Variants in TANGO6 observed in about 807,000 individuals in gnomAD.
TANGO6 encodes the protein transport and golgi organization 6 homolog.
Under a neutral mutation model 114.2 loss-of-function variants are expected in TANGO6, and 90 were observed. That is an observed-to-expected ratio of 0.79 (90% CI 0.66 to 0.94). The LOEUF is 0.94. Among genes scored for constraint, TANGO6 ranks in the 40% least tolerant of loss-of-function variants. The pLI is 0.00. For synonymous variants in TANGO6, 477 were observed against 509.8 expected (o/e 0.94, Z 0.87); for missense variants, 1,274 against 1,315.3 (o/e 0.97, Z 0.49).
intron 14 of TANGO6, among the ~76,000 whole-genome samples, chr16:68,944,455 C>G (rs1241048547): frequency 6.6e-6 from 1 of 152,152 alleles, no homozygotes; most frequent in Non-Finnish European, 1.5e-5. Context: ...TCAGACCTCA[C>G]AGCTGAGGTC....
chr16:68,982,303 A>G (rs1230129407), intron 15 of TANGO6, among the ~76,000 whole-genome samples: 1 of 152,082 alleles, frequency 6.6e-6, no homozygotes, highest in African/African-American at 2.4e-5. Context: ...CAACCTATGT[A>G]GTCATCCTGC....
At chr16:69,042,438 T>C (rs1265952138) in intron 17 of TANGO6, among the ~76,000 whole-genome samples, 1 of 152,076 alleles carries the variant, frequency 6.6e-6, no homozygotes, top group Admixed American at 6.6e-5. Context: ...TCCAGGCTAC[T>C]TGGGAGACTG....
At chr16:68,951,342 G>T (rs148634536) in intron 14 of TANGO6, among the ~76,000 whole-genome samples, 1 of 151,166 alleles carries the variant, frequency 6.6e-6, no homozygotes, top group Non-Finnish European at 1.5e-5. Flanking sequence ...AGGGTGGGGG[G>T]GTTGGGCAAA....
chr16:68,928,015 C>G lies in TANGO6; in HGVS notation c.2575C>G (p.Arg859Gly). Residue 859 changes from arginine (R) to glycine (G), a missense_variant, in exon 13 of 18, where the codon CGT (arginine) becomes GGT (glycine). Transcript: ENST00000261778. Reference sequence around the variant, plus strand: ...AATTCCAACACGGGCTGCTGCCCTGCGTACTCTTTCCCACTGGATAGAGCA... The same window carrying G: ...AATTCCAACACGGGCTGCTGCCCTGGGTACTCTTTCCCACTGGATAGAGCA... ...PQIPTRAAALRTLSHWIEQRE... is the reference protein window; with the variant it reads ...PQIPTRAAALGTLSHWIEQRE... 6.2e-7 allele frequency: 1 copy of G among 1,608,828 alleles called. No homozygotes were observed. Among genetic ancestry groups the G allele is most frequent in the Non-Finnish European group, 8.5e-7 (1 of 1,177,568 alleles).
intron 14 of TANGO6, among the ~76,000 whole-genome samples, chr16:68,966,805 T>G (rs1377390942): frequency 6.8e-6 from 1 of 146,320 alleles, no homozygotes; most frequent in Non-Finnish European, 1.5e-5. Context: ...ACAGTCTCGC[T>G]CTGTCACTCA....
At chr16:69,007,753 T>C (rs1284434907) in intron 15 of TANGO6, among the ~76,000 whole-genome samples, 1 of 152,196 alleles carries the variant, frequency 6.6e-6, no homozygotes, top group East Asian at 1.9e-4. Context: ...TCCAAAGTTT[T>C]CCATTTTACA....
At chr16:68,985,690 G>A (rs923906620) in intron 15 of TANGO6, among the ~76,000 whole-genome samples, 9 of 152,190 alleles carry the variant, frequency 5.9e-5, no homozygotes, top group African/African-American at 2.2e-4. Context: ...TCCAGCCTAG[G>A]TGACAGAGTG....
At chr16:68,925,732 T>C (rs1963158237) in intron 12 of TANGO6, among the ~76,000 whole-genome samples, 2 of 152,130 alleles carry the variant, frequency 1.3e-5, no homozygotes, top group Admixed American at 1.3e-4. Context: ...TGTAGGAGTT[T>C]TATAGTTTTG....
At chr16:68,846,081 A>T (rs527642980) in intron 1 of TANGO6, among the ~76,000 whole-genome samples, 1 of 152,090 alleles carries the variant, frequency 6.6e-6, no homozygotes, top group Admixed American at 6.6e-5. Context: ...GCTGGAGTGC[A>T]GTGGCGCAAT....
chr16:68,971,892 C>G (rs1963708535), intron 14 of TANGO6, among the ~76,000 whole-genome samples: 2 of 152,110 alleles, frequency 1.3e-5, no homozygotes, highest in African/African-American at 4.8e-5. Context: ...CTCGGCCTCC[C>G]AAAATGTTGG....
chr16:69,064,002 A>G (rs560873647), intron 17 of TANGO6, among the ~76,000 whole-genome samples: 1 of 151,804 alleles, frequency 6.6e-6, no homozygotes, highest in African/African-American at 2.4e-5. Context: ...ACGCGTGGCT[A>G]ATTTTTGTGT....
intron 17 of TANGO6, among the ~76,000 whole-genome samples, chr16:69,079,016 G>A (rs1331487731): frequency 6.6e-6 from 1 of 152,018 alleles, no homozygotes; most frequent in Non-Finnish European, 1.5e-5. Flanking sequence ...CTCCAGCCTG[G>A]GAGACTTGGT....
intron 17 of TANGO6, among the ~76,000 whole-genome samples, chr16:69,080,087 T>C (rs1194955391): frequency 6.6e-6 from 1 of 152,064 alleles, no homozygotes; most frequent in East Asian, 1.9e-4. Flanking sequence ...ATATTTGCAA[T>C]AGCAAAAGAT....
chr16:69,032,804 A>T (rs1458162175), intron 16 of TANGO6, among the ~76,000 whole-genome samples: 1 of 150,340 alleles, frequency 6.7e-6, no homozygotes, highest in East Asian at 2.0e-4. Flanking sequence ...TTGAACCCGG[A>T]GGCTGAGGTT....
At chr16:68,922,937 A>ATTTTT in intron 12 of TANGO6, among the ~76,000 whole-genome samples, 1 of 99,584 alleles carries the variant, frequency 1.0e-5, no homozygotes, top group African/African-American at 4.3e-5. Context: ...TGCTTAGGTC[A>ATTTTT]TGTTTTTTTT....
intron 3 of TANGO6, among the ~76,000 whole-genome samples, 176 bp from the exon 4 acceptor site, chr16:68,866,903 C>T (rs1962186372): frequency 6.6e-6 from 1 of 151,602 alleles, no homozygotes; most frequent in African/African-American, 2.4e-5. Flanking sequence ...TGCCACTGCA[C>T]TCCTGCCTGG....
At chr16:68,952,165 C>T (rs1253320010) in intron 14 of TANGO6, among the ~76,000 whole-genome samples, 2 of 152,122 alleles carry the variant, frequency 1.3e-5, no homozygotes, top group Non-Finnish European at 2.9e-5. Flanking sequence ...AAGTACCTTC[C>T]CTGCAGAACA....
intron 15 of TANGO6, among the ~76,000 whole-genome samples, chr16:69,018,779 T>C (rs1414216526): frequency 6.6e-6 from 1 of 151,884 alleles, no homozygotes; most frequent in African/African-American, 2.4e-5. Context: ...AAAAGAAAAT[T>C]AGCCGGGCGT....
intron 16 of TANGO6, 145 bp from the exon 17 acceptor site, chr16:69,040,163 C>G (rs1038942323): frequency 1.5e-6 from 1 of 673,154 alleles, no homozygotes; most frequent in South Asian, 2.0e-5. Context: ...ATCTCACCCT[C>G]TTTGTTGAGG....
Sources: allele counts gnomAD v4.1 joint callset (sites outside exome capture counted in the v4.1 genomes callset), GRCh38; gene constraint gnomAD v4.1.1; transcripts MANE v1.5; gene names NCBI Gene and HGNC (gene_info 2026-07-23, HGNC 2026-07-21).